USP10: variants seen among roughly 807,000 people sequenced by gnomAD.
USP10 encodes the protein ubiquitin specific peptidase 10.
A neutral mutation model predicts 84.5 loss-of-function variants in USP10; 22 were observed. The ratio of observed to expected loss-of-function variants is 0.26; its 90% CI spans 0.19 to 0.37. The LOEUF is 0.37. Among genes scored for constraint, USP10 ranks in the 10% least tolerant of loss-of-function variants. The pLI, the probability that USP10 is intolerant of heterozygous loss-of-function variation, is 1.00. For missense variants in USP10, 1,019 were observed against 998.9 expected, an observed-to-expected ratio of 1.02 and a Z score of -0.27; for synonymous variants, 454 against 387.6, an observed-to-expected ratio of 1.17 and a Z score of -2.01.
At chr16:84,722,196 C>A (rs952717083) in intron 1 of USP10, among the ~76,000 whole-genome samples, 2 of 152,210 alleles carry the variant, frequency 1.3e-5, no homozygotes, top group African/African-American at 2.4e-5. Context: ...CCCAGAATTA[C>A]ACAAACTGTA....
intron 1 of USP10, chr16:84,732,327 C>A (rs1909334872): frequency 2.9e-6 from 1 of 338,986 alleles, no homozygotes; most frequent in Non-Finnish European, 5.7e-6. Flanking sequence ...CATTTTTATA[C>A]CCAGTACTGA....
At chr16:84,747,070 T>G (rs983375194) in intron 4 of USP10, among the ~76,000 whole-genome samples, 1 of 152,212 alleles carries the variant, frequency 6.6e-6, no homozygotes, top group African/African-American at 2.4e-5. Flanking sequence ...TCCACTAGAA[T>G]CTTGTGGGAC....
At chr16:84,758,482 C>T (rs1219323898) in intron 4 of USP10, among the ~76,000 whole-genome samples, 4 of 152,086 alleles carry the variant, frequency 2.6e-5, no homozygotes, top group Non-Finnish European at 5.9e-5. Flanking sequence ...TTCTGTTCCC[C>T]CCAGGAAGAT....
At chr16:84,757,340 G>C (rs771370654) in intron 4 of USP10, among the ~76,000 whole-genome samples, 3 of 150,698 alleles carry the variant, frequency 2.0e-5, no homozygotes, top group African/African-American at 7.3e-5. Context: ...TATTCCCTAC[G>C]CTTCTTCAGT....
intron 1 of USP10, among the ~76,000 whole-genome samples, chr16:84,729,627 CT>C (rs1482607456): frequency 1.3e-5 from 2 of 152,228 alleles, no homozygotes; most frequent in African/African-American, 4.8e-5. Context: ...TTGGCACTGA[CT>C]TCTTAGCCCG....
chr16:84,732,187 A>ATT (rs1909322477), intron 1 of USP10, among the ~76,000 whole-genome samples: 1 of 152,210 alleles, frequency 6.6e-6, no homozygotes, highest in Non-Finnish European at 1.5e-5. Context: ...CATTTACAAT[A>ATT]ATAATGAGTA....
At chr16:84,703,780 G>A (rs1250294605) in intron 1 of USP10, among the ~76,000 whole-genome samples, 3 of 152,168 alleles carry the variant, frequency 2.0e-5, no homozygotes, top group Non-Finnish European at 2.9e-5. Context: ...GGTCGCCTTA[G>A]TGGTTTGTAC....
At chr16:84,777,980 G>A (rs947147868) in intron 13 of USP10, among the ~76,000 whole-genome samples, 15 of 152,198 alleles carry the variant, frequency 9.9e-5, no homozygotes, top group Non-Finnish European at 1.6e-4. Flanking sequence ...TAGAAGTGGA[G>A]GATGTGTTCT....
At position 84,745,419 on chromosome 16, in the gene USP10, A is replaced by T. The variant is rs184177272; in HGVS notation, c.938A>T (p.Asp313Val). Residue 313 changes from aspartate (D) to valine (V), a missense_variant, in exon 4 of 14, where the codon GAC becomes GTC. Transcript: ENST00000219473. Reference protein sequence around the residue: ...ELHTTESIDLDPTKPESASPP... With the variant: ...ELHTTESIDLVPTKPESASPP... ...CACACCACGGAAAGCATAGACTTGG[A>T]CCCAACCAAACCCGAGAGTGCATCA... 146 of 1,613,684 alleles carry T rather than the reference A, an allele frequency of 9.0e-5. No individual in the cohort carries two copies. In the African/African-American group the frequency reaches 1.8e-3, roughly 19 times the overall value.
intron 2 of USP10, among the ~76,000 whole-genome samples, chr16:84,738,315 TAG>T (rs1910194697): frequency 6.6e-6 from 1 of 152,172 alleles, no homozygotes; most frequent in South Asian, 2.1e-4. Flanking sequence ...TGTGTAAAAA[TAG>T]AGTGATTCAA....
At position 84,739,127 on chromosome 16, in the gene USP10, C is replaced by T. The variant is rs575692274; in HGVS notation, c.91-1182C>T. ...AGGCTGGAGTGCAGTGGCACTATCT[C>T]GGCTCACTGCAAGCTCCGCCTCCCG... On this transcript the variant is annotated intron_variant, in intron 2 of 13. Transcript: ENST00000219473. Among the ~76,000 whole-genome samples, 29 of 150,560 alleles carry T rather than the reference C, an allele frequency of 1.9e-4. No homozygotes were observed. In the East Asian group the frequency reaches 4.3e-3, roughly 22 times the overall value.
Position 84,759,770 on chromosome 16 carries a change from A to T in USP10, c.1395-121A>T, listed in dbSNP as rs939637347. The T allele has an allele frequency of 1.3e-5, 13 of 1,036,776 alleles. No homozygotes were observed. In the African/African-American group the frequency reaches 1.8e-4, roughly 14 times the overall value. The allele number at this position is 1,036,776 out of a possible 1,614,324, so 64.2% of individuals were successfully genotyped here. On this transcript the variant is annotated intron_variant, in intron 6 of 13. Transcript: ENST00000219473. ...ACTTGAGTTCACTAGCTGTTACAGC[A>T]TTGGTTACCTAAAATCTACTATACT...
intron 2 of USP10, among the ~76,000 whole-genome samples, chr16:84,734,650 T>C (rs540090590): frequency 2.0e-5 from 3 of 152,348 alleles, no homozygotes; most frequent in East Asian, 1.9e-4. Context: ...GTCAACTGAA[T>C]TGATTTTTTT....
chr16:84,750,942 G>A (rs1464475280), intron 4 of USP10, among the ~76,000 whole-genome samples: 1 of 152,164 alleles, frequency 6.6e-6, no homozygotes, highest in Non-Finnish European at 1.5e-5. Flanking sequence ...AAAAGGCATT[G>A]GATCAAGAAA....
At chr16:84,729,901 T>A (rs1442251929) in intron 1 of USP10, among the ~76,000 whole-genome samples, 1 of 152,234 alleles carries the variant, frequency 6.6e-6, no homozygotes, top group African/African-American at 2.4e-5. Context: ...GGTGTATTTT[T>A]TTGCGTGACA....
At chr16:84,760,761 A>C (rs1277358569) in intron 8 of USP10, among the ~76,000 whole-genome samples, 2 of 152,134 alleles carry the variant, frequency 1.3e-5, no homozygotes, top group African/African-American at 4.8e-5. Context: ...TAAAGGCATG[A>C]GACCAAGGGG....
At position 84,779,229 on chromosome 16, in the gene USP10, G is replaced by GCCAA. The variant is rs1915332014; in HGVS notation, c.*147_*148insCCAA. On this transcript the variant is annotated 3_prime_UTR_variant, in exon 14 of 14. Coordinates refer to ENST00000219473, the MANE Select transcript of USP10 (RefSeq NM_005153.3). ...CTAGAATGAAAAGGAGATGCCTTGG[G>GCCAA]GTTCGTGCACAACACAGCTTCTGTT... The GCCAA allele has an allele frequency of 1.4e-5, 12 of 882,290 alleles. No individual in the cohort carries two copies. In the East Asian group the frequency reaches 3.4e-4, roughly 25 times the overall value. 54.7% of individuals were successfully genotyped at this position (882,290 alleles called of 1,614,324 possible).
chr16:84,731,663 G>A (rs1567609198), intron 1 of USP10, among the ~76,000 whole-genome samples: 1 of 152,122 alleles, frequency 6.6e-6, no homozygotes, highest in African/African-American at 2.4e-5. Context: ...TTGCCCCATT[G>A]CCTTCCATAG....
chr16:84,734,353 A>T (rs550138395), intron 2 of USP10, among the ~76,000 whole-genome samples: 1 of 152,240 alleles, frequency 6.6e-6, no homozygotes, highest in East Asian at 1.9e-4. Flanking sequence ...CATTGTTTTA[A>T]TTTACATCTC....
Sources: gnomAD v4.1 joint callset for allele counts (sites outside exome capture counted in the v4.1 genomes callset) on GRCh38, gnomAD v4.1.1 for gene constraint, MANE v1.5 for transcripts, NCBI Gene and HGNC (gene_info 2026-07-23, HGNC 2026-07-21) for gene names.